CNTNAP4: variants seen among roughly 807,000 people sequenced by gnomAD.
CNTNAP4 encodes the protein contactin associated protein family member 4.
In CNTNAP4, 98 loss-of-function variants were observed where a neutral mutation model predicts 148.4. That is an observed-to-expected ratio of 0.66 (90% CI 0.56 to 0.78). CNTNAP4 has a LOEUF of 0.78. CNTNAP4 is among the 30% of genes least tolerant of loss of function. The pLI is 0.00. For synonymous variants in CNTNAP4, 730 were observed against 565.1 expected (o/e 1.29, Z -4.14); for missense variants, 1,935 against 1,565.6 (o/e 1.24, Z -3.98).
intron 12 of CNTNAP4, among the ~76,000 whole-genome samples, chr16:76,481,226 AAC>A (rs1295607745): frequency 6.6e-6 from 1 of 152,100 alleles, no homozygotes; most frequent in South Asian, 2.1e-4. Context: ...CTCCTCATCA[AAC>A]ACACACACAC....
intron 2 of CNTNAP4, among the ~76,000 whole-genome samples, chr16:76,325,102 C>G (rs1257424726): frequency 1.3e-5 from 2 of 152,004 alleles, no homozygotes; most frequent in African/African-American, 2.4e-5. Context: ...TTTTCTGCAC[C>G]AAATAACAGA....
chr16:76,394,479 G>A (rs1283526702), intron 3 of CNTNAP4, among the ~76,000 whole-genome samples: 1 of 151,954 alleles, frequency 6.6e-6, no homozygotes, highest in African/African-American at 2.4e-5. Context: ...TTAATAGATG[G>A]GAATATAACT....
intron 3 of CNTNAP4, among the ~76,000 whole-genome samples, chr16:76,355,721 G>C (rs998462481): frequency 6.6e-5 from 10 of 151,462 alleles, no homozygotes; most frequent in Admixed American, 5.3e-4. Context: ...TATATTACAG[G>C]GTTCTCAAAA....
chr16:76,516,257 GC>G (rs1274322979), intron 15 of CNTNAP4, among the ~76,000 whole-genome samples: 2 of 152,148 alleles, frequency 1.3e-5, no homozygotes, highest in African/African-American at 4.8e-5. Context: ...CCACGTCCCT[GC>G]AAAGGACATT....
intron 12 of CNTNAP4, among the ~76,000 whole-genome samples, chr16:76,484,480 C>G (rs1328843873): frequency 6.6e-6 from 1 of 152,030 alleles, no homozygotes; most frequent in Admixed American, 6.6e-5. Context: ...CATATTCAAA[C>G]AAAAGTGACA....
intron 15 of CNTNAP4, among the ~76,000 whole-genome samples, chr16:76,502,112 A>T (rs545476122): frequency 6.6e-6 from 1 of 152,176 alleles, no homozygotes; most frequent in Non-Finnish European, 1.5e-5. Flanking sequence ...GTATTTAGAG[A>T]CCCACTAATT....
intron 15 of CNTNAP4, among the ~76,000 whole-genome samples, chr16:76,515,005 C>T (rs553231903): frequency 2.1e-4 from 32 of 151,898 alleles, no homozygotes; most frequent in Non-Finnish European, 3.8e-4. Context: ...ATAAAATTTC[C>T]TGTAGGGCTA....
At chr16:76,329,005 C>G (rs554640604) in intron 2 of CNTNAP4, among the ~76,000 whole-genome samples, 7 of 152,288 alleles carry the variant, frequency 4.6e-5, no homozygotes, top group South Asian at 2.1e-4. Context: ...AATATTCTTG[C>G]AACTTTTCTG....
chr16:76,471,878 C>G (rs759196422), intron 10 of CNTNAP4, among the ~76,000 whole-genome samples: 1 of 152,064 alleles, frequency 6.6e-6, no homozygotes, highest in African/African-American at 2.4e-5. Flanking sequence ...TATCCTAGCG[C>G]TCATTGGCAC....
At chr16:76,433,485 A>AT (rs1397388192) in intron 4 of CNTNAP4, among the ~76,000 whole-genome samples, 4 of 152,124 alleles carry the variant, frequency 2.6e-5, no homozygotes, top group African/African-American at 9.7e-5. Flanking sequence ...AAAAATTCCA[A>AT]TTTTTTTACA....
intron 1 of CNTNAP4, among the ~76,000 whole-genome samples, chr16:76,281,212 G>A (rs1958674843): frequency 6.6e-6 from 1 of 151,986 alleles, no homozygotes; most frequent in South Asian, 2.1e-4. Context: ...ATTCTTTCTA[G>A]AAGCTACTTT....
intron 3 of CNTNAP4, among the ~76,000 whole-genome samples, chr16:76,357,689 A>G (rs2012867154): frequency 6.6e-6 from 1 of 152,228 alleles, no homozygotes; most frequent in South Asian, 2.1e-4. Flanking sequence ...TATTGAAGCA[A>G]TGAGTGAATA....
chr16:76,355,325 T>G lies in CNTNAP4; in HGVS notation c.204T>G (p.Gly68=), dbSNP rs1267248725. 6.5e-7 allele frequency: 1 copy of G among 1,539,404 alleles called. No individual in the cohort carries two copies. The highest frequency in any genetic ancestry group is 8.7e-7 in the Non-Finnish European group (1 of 1,144,246). The change falls in exon 3 of 24, where the codon GGT becomes GGG. Residue 68 remains glycine (G), a synonymous_variant. Transcript: ENST00000611870. Reference sequence around the variant, plus strand: ...TTCTATTTTTAATAAAAGGAGCTGGTGGCTGGTCTCCACTTGTGTCTAACA... The same window carrying G: ...TTCTATTTTTAATAAAAGGAGCTGGGGGCTGGTCTCCACTTGTGTCTAACA... The part of the protein sequence containing the change: ...FARLNRRDGA[G]GWSPLVSNKY...
intron 13 of CNTNAP4, among the ~76,000 whole-genome samples, chr16:76,492,776 A>G (rs182021854): frequency 1.4e-4 from 21 of 152,238 alleles, no homozygotes; most frequent in South Asian, 4.2e-4. Flanking sequence ...GCCTTCTGCC[A>G]TGATTTTGAG....
intron 15 of CNTNAP4, among the ~76,000 whole-genome samples, chr16:76,520,627 A>G (rs1013546681): frequency 6.6e-6 from 1 of 152,208 alleles, no homozygotes; most frequent in Non-Finnish European, 1.5e-5. Flanking sequence ...ACTATTTAGA[A>G]TGCCGGTCTC....
chr16:76,298,720 A>G (rs1250989501), intron 1 of CNTNAP4, among the ~76,000 whole-genome samples: 2 of 152,138 alleles, frequency 1.3e-5, no homozygotes, highest in Non-Finnish European at 2.9e-5. Context: ...ATGCTGGCCA[A>G]CTGGACTGCT....
chr16:76,505,253 A>C lies in CNTNAP4; in HGVS notation c.2365+6559A>C, dbSNP rs2082802674. The stretch of plus-strand genomic sequence containing the variant: ...AGTGAAAGGATACACGTTCCATTTT[A>C]CTGTGGTGTACCCACAATACACAGT... On this transcript the variant is annotated intron_variant, in intron 15 of 23. Coordinates refer to ENST00000611870, the MANE Select transcript of CNTNAP4 (RefSeq NM_033401.5). 7.3e-5 allele frequency among the ~76,000 whole-genome samples: 3 copies of C among 41,268 alleles called. 1 individual carries two copies. The highest frequency in any genetic ancestry group is 1.1e-4 in the African/African-American group (3 of 28,044). 27.1% of individuals were successfully genotyped at this position (41,268 alleles called of 152,430 possible).
intron 10 of CNTNAP4, among the ~76,000 whole-genome samples, chr16:76,467,818 A>G (rs1376961292): frequency 6.6e-6 from 1 of 152,232 alleles, no homozygotes; most frequent in Non-Finnish European, 1.5e-5. Context: ...GTATAGATGT[A>G]TTAAAAATAT....
In CNTNAP4 at chr16:76,281,177, C is replaced by T. The variant is rs1958673535; in HGVS notation, c.85+3430C>T. On this transcript the variant is annotated intron_variant, in intron 1 of 23. Coordinates refer to ENST00000611870, the MANE Select transcript of CNTNAP4 (RefSeq NM_033401.5). ...CCTGGGAGACAGCTGGACAGATTCTCACATTGTTAAAACTCAACCTTGTAA... is the reference window on the plus strand; with the variant it reads ...CCTGGGAGACAGCTGGACAGATTCTTACATTGTTAAAACTCAACCTTGTAA... Among the ~76,000 whole-genome samples, 3 of 152,210 alleles carry T rather than the reference C, an allele frequency of 2.0e-5. No individual in the cohort carries two copies. In the South Asian group the frequency reaches 6.2e-4, roughly 32 times the overall value.
Sources: gnomAD v4.1 joint callset for allele counts (sites outside exome capture counted in the v4.1 genomes callset) on GRCh38, gnomAD v4.1.1 for gene constraint, MANE v1.5 for transcripts, NCBI Gene and HGNC (gene_info 2026-07-23, HGNC 2026-07-21) for gene names.